SLC8A1: variants seen among roughly 807,000 people sequenced by gnomAD.
SLC8A1 encodes the protein sodium/calcium exchanger 1.
In SLC8A1, 18 loss-of-function variants were observed where a neutral mutation model predicts 68.3. The observed-to-expected ratio is 0.26, with a 90% confidence interval of 0.18 to 0.39. The LOEUF (loss-of-function observed/expected upper bound fraction) is 0.39, where lower values mean the gene tolerates loss of function less well. Ranked by LOEUF, SLC8A1 falls within the 10% of genes least tolerant of loss-of-function variation. SLC8A1 has a pLI of 1.00. For synonymous variants in SLC8A1, 475 were observed against 415.5 expected (o/e 1.14, Z -1.74); for missense variants, 985 against 1,156.7 (o/e 0.85, Z 2.15).
At chr2:40,346,516 C>T (rs1468633305) in intron 2 of SLC8A1, among the ~76,000 whole-genome samples, 1 of 152,112 alleles carries the variant, frequency 6.6e-6, no homozygotes, top group African/African-American at 2.4e-5. Context: ...AGGACCATGC[C>T]GCCGTCAGAG....
intron 2 of SLC8A1, among the ~76,000 whole-genome samples, chr2:40,264,010 A>C (rs1373559535): frequency 1.3e-5 from 2 of 152,170 alleles, no homozygotes; most frequent in Admixed American, 1.3e-4. Flanking sequence ...CAAGAAAAAA[A>C]CAAACAACCC....
chr2:40,418,595 T>C (rs946078385), intron 2 of SLC8A1, among the ~76,000 whole-genome samples: 4 of 152,208 alleles, frequency 2.6e-5, no homozygotes, highest in Non-Finnish European at 5.9e-5. Flanking sequence ...TGCTCATGCT[T>C]AATAAGCTCA....
chr2:40,284,139 C>A (rs1171235383), intron 2 of SLC8A1, among the ~76,000 whole-genome samples: 1 of 151,802 alleles, frequency 6.6e-6, no homozygotes, highest in South Asian at 2.1e-4. Flanking sequence ...CCATTTTCTC[C>A]AAAAGTGTGC....
At chr2:40,227,906 T>G (rs2059183378) in intron 2 of SLC8A1, among the ~76,000 whole-genome samples, 1 of 152,202 alleles carries the variant, frequency 6.6e-6, no homozygotes, top group African/African-American at 2.4e-5. Flanking sequence ...AATGAGCTAC[T>G]CCCTGTCTTC....
chr2:40,415,619 A>C (rs1693568111), intron 2 of SLC8A1, among the ~76,000 whole-genome samples: 2 of 152,108 alleles, frequency 1.3e-5, no homozygotes, highest in Admixed American at 1.3e-4. Context: ...GGTAAAGCAA[A>C]CAAACGGCAA....
chr2:40,509,083 C>G (rs1706542081), intron 1 of SLC8A1, among the ~76,000 whole-genome samples: 1 of 152,184 alleles, frequency 6.6e-6, no homozygotes, highest in South Asian at 2.1e-4. Flanking sequence ...TGTATTACTT[C>G]ACAGACCTTA....
chr2:40,458,223 G>A (rs1462841259), intron 1 of SLC8A1, among the ~76,000 whole-genome samples: 4 of 152,140 alleles, frequency 2.6e-5, no homozygotes, highest in African/African-American at 9.7e-5. Context: ...ATAAAAATGA[G>A]GACTTTTCTG....
chr2:40,426,434 A>G (rs2149771524), intron 2 of SLC8A1, among the ~76,000 whole-genome samples: 1 of 152,180 alleles, frequency 6.6e-6, no homozygotes, highest in African/African-American at 2.4e-5. Flanking sequence ...TTAATTGCAT[A>G]GGATGAATGT....
At chr2:40,431,890 C>A (rs547971437) in intron 1 of SLC8A1, among the ~76,000 whole-genome samples, 1 of 152,170 alleles carries the variant, frequency 6.6e-6, no homozygotes, top group Admixed American at 6.5e-5. Flanking sequence ...AGAGATCCCA[C>A]CATAGACTAA....
chr2:40,270,530 C>T (rs1244729298), intron 2 of SLC8A1, among the ~76,000 whole-genome samples: 1 of 152,216 alleles, frequency 6.6e-6, no homozygotes, highest in Non-Finnish European at 1.5e-5. Flanking sequence ...TCTATCTTCA[C>T]AGTCAGCAAC....
chr2:40,267,463 C>G (rs1419259951), intron 2 of SLC8A1, among the ~76,000 whole-genome samples: 1 of 152,154 alleles, frequency 6.6e-6, no homozygotes, highest in Non-Finnish European at 1.5e-5. Flanking sequence ...GTAGTTGCCT[C>G]TAAGAATGAC....
At chr2:40,315,924 C>T (rs1412118020) in intron 2 of SLC8A1, among the ~76,000 whole-genome samples, 2 of 152,014 alleles carry the variant, frequency 1.3e-5, no homozygotes, top group African/African-American at 4.8e-5. Context: ...CCTGGGCATG[C>T]AACCAAGTTA....
intron 2 of SLC8A1, among the ~76,000 whole-genome samples, chr2:40,185,783 A>T (rs999365610): frequency 1.3e-5 from 2 of 152,210 alleles, no homozygotes; most frequent in African/African-American, 2.4e-5. Context: ...GCTAGCATTT[A>T]AAAAAATAAG....
chr2:40,251,661 C>CTTGT (rs1387873484), intron 2 of SLC8A1: 5 of 152,160 alleles, frequency 3.3e-5, no homozygotes, highest in Non-Finnish European at 7.3e-5. Flanking sequence ...AGACGCTCAA[C>CTTGT]TTGTTTGTTT....
chr2:40,168,426 A>T (rs1406771494), intron 4 of SLC8A1, among the ~76,000 whole-genome samples: 1 of 152,186 alleles, frequency 6.6e-6, no homozygotes, highest in African/African-American at 2.4e-5. Context: ...TGGAAGGGTC[A>T]GGGCAGTTTT....
At chr2:40,454,428 C>G (rs1039919309), upstream of SLC8A1, among the ~76,000 whole-genome samples, 4 of 151,694 alleles carry the variant, frequency 2.6e-5, no homozygotes, top group African/African-American at 9.7e-5. Context: ...GTGACAAGAA[C>G]CCTGTTCTTT....
At chr2:40,392,501 A>G (rs917794687) in intron 2 of SLC8A1, among the ~76,000 whole-genome samples, 1 of 152,146 alleles carries the variant, frequency 6.6e-6, no homozygotes, top group African/African-American at 2.4e-5. Flanking sequence ...AAATCATCCT[A>G]TGCATCTTAG....
At chr2:40,175,205 GA>G in intron 3 of SLC8A1, 55 bp downstream of exon 4, 2 of 1,558,012 alleles carry the variant, frequency 1.3e-6, no homozygotes, top group Non-Finnish European at 1.8e-6. Flanking sequence ...TCACCTGACG[GA>G]AATGGAAAAT....
chr2:40,404,189 C>G (rs917115053), intron 2 of SLC8A1, among the ~76,000 whole-genome samples: 8 of 152,110 alleles, frequency 5.3e-5, no homozygotes, highest in African/African-American at 1.9e-4. Flanking sequence ...GCCACTGCAC[C>G]CAGCCTAGCA....
Sources: gnomAD v4.1 joint callset for allele counts (sites outside exome capture counted in the v4.1 genomes callset) on GRCh38, gnomAD v4.1.1 for gene constraint, MANE v1.5 for transcripts, NCBI Gene and HGNC (gene_info 2026-07-23, HGNC 2026-07-21) for gene names.